The following TTN variants were observed in gnomAD, a reference collection of about 807,000 sequenced individuals.
TTN encodes titin.
TTN carries 1,525 observed loss-of-function variants against 3,223.0 expected under a neutral mutation model. That is an observed-to-expected ratio of 0.47 (90% CI 0.45 to 0.49). The LOEUF (loss-of-function observed/expected upper bound fraction) is 0.49. Ranked by LOEUF, TTN falls within the 20% of genes least tolerant of loss-of-function variation. The pLI is 0.00. For missense variants in TTN, 40,786 were observed against 43,424.0 expected, an observed-to-expected ratio of 0.94 and a Z score of 5.40; for synonymous variants, 14,094 against 15,161.0, an observed-to-expected ratio of 0.93 and a Z score of 5.17.
chr2:178,793,317 G>T (rs1051003174), intron 9 of TTN, 87 bp downstream of exon 9: 4 of 1,539,542 alleles, frequency 2.6e-6, no homozygotes, highest in Non-Finnish European at 3.5e-6. Flanking sequence ...TGTGGCCCAA[G>T]GAACAACACT....
chr2:178,728,115 A>G lies in TTN; in HGVS notation c.19709T>C (p.Val6570Ala). 5.8e-6 allele frequency: 9 copies of G among 1,558,896 alleles called. No individual in the cohort carries two copies. Among genetic ancestry groups the G allele is most frequent in the Non-Finnish European group, 7.8e-6 (9 of 1,154,588 alleles). ...AGAGGTAAAGAAATTCTAACCTTTC[A>G]CAGTTAAGATGCCACTGCATGCATC... ...GDDACSGILT[V>A]KEPPSFLVKP... The change falls in exon 67 of 363, where the codon GTG becomes GCG. Residue 6570 changes from valine to alanine, a missense_variant. Coordinates refer to ENST00000589042, the MANE Select transcript of TTN (RefSeq NM_001267550.2).
intron 117 of TTN, 33 bp from the exon 118 acceptor site, chr2:178,694,041 T>G (rs2073109413): frequency 6.5e-7 from 1 of 1,528,346 alleles, no homozygotes; most frequent in African/African-American, 1.4e-5. Context: ...TAGTATTCCT[T>G]TTTTTTAGTA....
In TTN at chr2:178,775,361, A is replaced by T; in HGVS notation, c.6503T>A (p.Val2168Asp). Residue 2168 changes from valine to aspartate, a missense_variant, in exon 28 of 363, where the codon GTC becomes GAC. Coordinates refer to ENST00000589042, the MANE Select transcript of TTN (RefSeq NM_001267550.2). ...AGGAAAGACATGCAAATTACCTTGG[A>T]CAAGTAAGAATGCGTGACTGGAGGT... is the stretch of plus-strand genomic sequence containing the variant. ...GETSSHAFLL[V>D]QAKQLITFTQ... The T allele has an allele frequency of 6.2e-7, 1 of 1,614,008 alleles. No individual in the cohort carries two copies. Among genetic ancestry groups the T allele is most frequent in the Non-Finnish European group, 8.5e-7 (1 of 1,179,996 alleles).
chr2:178,747,268 T>G, intron 47 of TTN: 2 of 1,613,204 alleles, frequency 1.2e-6, no homozygotes, highest in Non-Finnish European at 1.7e-6. Context: ...CTACCTCACC[T>G]TCGGAAGGTG....
chr2:178,752,238 G>A (rs547044562), intron 47 of TTN, among the ~76,000 whole-genome samples: 23 of 152,032 alleles, frequency 1.5e-4, no homozygotes, highest in African/African-American at 5.3e-4. Context: ...AAAATCGTTC[G>A]TTGTCTGGTC....
intron 223 of TTN, 54 bp from the exon 224 acceptor site, chr2:178,637,473 T>C: frequency 1.7e-6 from 2 of 1,183,078 alleles, no homozygotes; most frequent in South Asian, 3.9e-5. Flanking sequence ...TATTTCATGT[T>C]TAATAGTAAA....
chr2:178,738,213 G>C lies in TTN; in HGVS notation c.14240C>G (p.Ser4747Cys), dbSNP rs1363033770. 6.2e-7 allele frequency: 1 copy of C among 1,613,698 alleles called. No homozygotes were observed. The highest frequency in any genetic ancestry group is 2.2e-5 in the East Asian group (1 of 44,778). ...GREIYESDKC[S>C]IRSSKYISSL... ...GGAGATATACTTTGAAGATCGAATA[G>C]AACACTTGTCACTCTCATAAATTTC... Residue 4747 changes from serine (S) to cysteine (C), a missense_variant, in exon 49 of 363, where the codon TCT (serine) becomes TGT (cysteine). By Grantham distance (112) the Ser-to-Cys change is moderately radical. Coordinates refer to ENST00000589042, the MANE Select transcript of TTN (RefSeq NM_001267550.2).
At position 178,574,938 on chromosome 2, in the gene TTN, C is replaced by G. The variant is rs747116393; in HGVS notation, c.71194G>C (p.Gly23732Arg). 1.9e-6 allele frequency: 3 copies of G among 1,613,000 alleles called. No individual in the cohort carries two copies. The highest frequency in any genetic ancestry group is 2.5e-6 in the Non-Finnish European group (3 of 1,179,484). The change falls in exon 326 of 363, where the codon GGA becomes CGA. Residue 23732 changes from glycine (G) to arginine (R), a missense_variant. By Grantham distance (125) the Gly-to-Arg change is moderately radical (BLOSUM62 -2). Transcript: ENST00000589042. ...QVHDIPGPPTGPIKFDEVSSD... is the reference protein window; with the variant it reads ...QVHDIPGPPTRPIKFDEVSSD... ...GAAACTTCATCAAATTTGATTGGTC[C>G]AGTAGGTGGCCCTGGGATATCATGG...
At chr2:178,737,023 C>T (rs1324006778) in intron 49 of TTN, among the ~76,000 whole-genome samples, 1 of 151,964 alleles carries the variant, frequency 6.6e-6, no homozygotes, top group Non-Finnish European at 1.5e-5. Context: ...CTTGACTGTA[C>T]CTCTACCCCT....
chr2:178,807,249 GC>G lies in TTN; in HGVS notation c.-52del, dbSNP rs2094353025. 6.6e-6 allele frequency: 1 copy of G among 152,156 alleles called. No homozygotes were observed. Among genetic ancestry groups the G allele is most frequent in the African/African-American group, 2.4e-5 (1 of 41,444 alleles). 9.4% of individuals were successfully genotyped at this position (152,156 alleles called of 1,614,324 possible). On this transcript the variant is annotated 5_prime_UTR_variant, in exon 1 of 363. Coordinates refer to ENST00000589042, the MANE Select transcript of TTN (RefSeq NM_001267550.2). ...GAGTGCCTAAAAAGGGTGGGACTAA[GC>G]CCAAGGTTGCTTCTGAAACGACGTC...
intron 221 of TTN, 49 bp from the exon 222 acceptor site, chr2:178,640,159 T>C (rs753551761): frequency 6.3e-7 from 1 of 1,577,632 alleles, no homozygotes; most frequent in Non-Finnish European, 8.6e-7. Context: ...TTTTTGAAGT[T>C]TTTCACAAAG....
chr2:178,590,970 A>G lies in TTN; in HGVS notation c.60755T>C (p.Ile20252Thr), dbSNP rs752999797. The G allele has an allele frequency of 6.8e-6, 11 of 1,613,354 alleles. No individual in the cohort carries two copies. The highest frequency in any genetic ancestry group is 9.3e-6 in the Non-Finnish European group (11 of 1,179,576). The change falls in exon 304 of 363, where the codon ATA (isoleucine) becomes ACA (threonine). Residue 20252 changes from isoleucine (I) to threonine (T), a missense_variant. Transcript: ENST00000589042. ...GGAGTCAAGGGGAGGACCAACACCT[A>G]TCTTATTCTCTGCTCTAACTCGGAA... Reference protein sequence around the residue: ...YVFRVRAENKIGVGPPLDSTP... With the variant: ...YVFRVRAENKTGVGPPLDSTP...
Position 178,559,990 on chromosome 2 carries a change from T to C in TTN, c.86142A>G (p.Gly28714=). 6.2e-7 allele frequency: 1 copy of C among 1,613,812 alleles called. No individual in the cohort carries two copies. Residue 28714 remains glycine, a synonymous_variant, in exon 326 of 363, where the codon GGA becomes GGG. Transcript: ENST00000589042. ...SLRGTEYTIS[G]LTTGAEYVFR... is the part of the protein sequence containing the mutation. ...AAACATATTCAGCTCCTGTTGTTAGTCCGCTTATTGTATATTCTGTCCCTC... is the reference window on the plus strand; with the variant it reads ...AAACATATTCAGCTCCTGTTGTTAGCCCGCTTATTGTATATTCTGTCCCTC...
At chr2:178,650,885 A>T (rs2062824968) in intron 208 of TTN, 51 bp from the exon 209 acceptor site, 1 of 1,518,154 alleles carries the variant, frequency 6.6e-7, no homozygotes, top group Admixed American at 1.9e-5. Context: ...AAGTATATTA[A>T]ATTTATACCA....
chr2:178,526,912 CT>C lies in TTN; in HGVS notation c.*99del, dbSNP rs11424072. On this transcript the variant is annotated 3_prime_UTR_variant, in exon 363 of 363. Coordinates refer to ENST00000589042, the MANE Select transcript of TTN (RefSeq NM_001267550.2). ...ACTCATTTAGGTTGATACAAAACTACTTTTTTTTCTTTAAATATTTACAGTT... is the reference window on the plus strand; with the variant it reads ...ACTCATTTAGGTTGATACAAAACTACTTTTTTTCTTTAAATATTTACAGTT... The C allele has an allele frequency of 0.022, 26,173 of 1,177,540 alleles. 349 individuals are homozygous for C. The highest frequency in any genetic ancestry group is 0.026 in the Non-Finnish European group (22,759 of 873,148). The allele number at this position is 1,177,540 out of a possible 1,614,324, so 72.9% of individuals were successfully genotyped here.
At chr2:178,772,473 A>G (rs2154343982) in intron 33 of TTN, among the ~76,000 whole-genome samples, 1 of 152,312 alleles carries the variant, frequency 6.6e-6, no homozygotes, top group East Asian at 1.9e-4. Flanking sequence ...TACATTTTTT[A>G]TTCTTCATTG....
chr2:178,636,573 G>T lies in TTN; in HGVS notation c.41154C>A (p.Thr13718=). 1.2e-6 allele frequency: 2 copies of T among 1,613,444 alleles called. No homozygotes were observed. The highest frequency in any genetic ancestry group is 1.7e-6 in the Non-Finnish European group (2 of 1,179,586). Residue 13718 remains threonine, a synonymous_variant, in exon 225 of 363, where the codon ACC becomes ACA. Transcript: ENST00000589042. The surrounding 1 kb of genome is among the most constrained non-coding windows in gnomAD (Gnocchi z 4.3). The part of the protein sequence containing the change: ...CLVSPSTAIT[T]WMKDGSNIRE... ...GGATATTGCTACCGTCTTTCATCCA[G>T]GTTGTAATTGCAGTGGAAGGGGAGA...
intron 219 of TTN, among the ~76,000 whole-genome samples, chr2:178,641,804 A>C (rs896155320): frequency 6.6e-6 from 1 of 151,832 alleles, no homozygotes; most frequent in Non-Finnish European, 1.5e-5. Context: ...GTCAGAAAGA[A>C]ATGTTCAGTT....
intron 11 of TTN, 149 bp downstream of exon 11, chr2:178,790,559 G>C: frequency 8.5e-7 from 1 of 1,181,690 alleles, no homozygotes. Context: ...GACAGTGAAA[G>C]GTAGCTGTGT....
Sources: gnomAD v4.1 joint callset for allele counts (sites outside exome capture counted in the v4.1 genomes callset) on GRCh38, gnomAD v4.1.1 for gene constraint, Gnocchi (gnomAD v3.1) non-coding constraint, MANE v1.5 for transcripts, NCBI Gene and HGNC (gene_info 2026-07-23, HGNC 2026-07-21) for gene names.